KMO: variants seen among roughly 807,000 people sequenced by gnomAD.
The protein encoded by KMO is kynurenine 3-monooxygenase.
A neutral mutation model predicts 57.8 loss-of-function variants in KMO; 24 were observed. The observed-to-expected ratio is 0.42, with a 90% CI of 0.30 to 0.58. The LOEUF (loss-of-function observed/expected upper bound fraction) is 0.58, where lower values mean the gene tolerates loss of function less well. Ranked by LOEUF, KMO falls within the 20% of genes least tolerant of loss-of-function variation. The probability of loss-of-function intolerance (pLI) is 0.22; values close to 1 mark genes in which losing one functional copy is unlikely to be tolerated. For missense variants in KMO, 483 were observed against 588.2 expected (o/e 0.82, Z 1.85); for synonymous variants, 210 against 193.6 (o/e 1.08, Z -0.70).
At chr1:241,535,983 C>G (rs1660738068) in intron 1 of KMO, among the ~76,000 whole-genome samples, 2 of 152,200 alleles carry the variant, frequency 1.3e-5, no homozygotes, top group Admixed American at 1.3e-4. Context: ...TCTTTGGCTC[C>G]TGCTACCTTT....
At chr1:241,576,834 A>G (rs1354961472) in intron 10 of KMO, among the ~76,000 whole-genome samples, 1 of 152,134 alleles carries the variant, frequency 6.6e-6, no homozygotes, top group Non-Finnish European at 1.5e-5. Flanking sequence ...ATTAGTTTCC[A>G]AACTTTTTAC....
At chr1:241,546,212 AG>A (rs1357632266) in intron 1 of KMO, among the ~76,000 whole-genome samples, 1 of 152,168 alleles carries the variant, frequency 6.6e-6, no homozygotes, top group Non-Finnish European at 1.5e-5. Context: ...GGGGTTTATC[AG>A]AACCTGCCCT....
chr1:241,534,023 T>C (rs1262072914), intron 1 of KMO, among the ~76,000 whole-genome samples: 3 of 152,012 alleles, frequency 2.0e-5, no homozygotes, highest in Non-Finnish European at 4.4e-5. Flanking sequence ...CAGAGAAGAG[T>C]AGCTGATGAG....
At chr1:241,537,418 T>C (rs1186211337) in intron 1 of KMO, among the ~76,000 whole-genome samples, 1 of 152,200 alleles carries the variant, frequency 6.6e-6, no homozygotes. Context: ...TTTGCAAATA[T>C]TAATGAGCTA....
At chr1:241,560,941 A>G (rs1485426204) in intron 6 of KMO, among the ~76,000 whole-genome samples, 189 bp downstream of exon 6, 1 of 152,228 alleles carries the variant, frequency 6.6e-6, no homozygotes, top group Non-Finnish European at 1.5e-5. Context: ...ACCAATGCCA[A>G]TAATTCTTAA....
chr1:241,558,516 C>G (rs1011799011), intron 5 of KMO, among the ~76,000 whole-genome samples: 2 of 152,160 alleles, frequency 1.3e-5, no homozygotes, highest in Non-Finnish European at 2.9e-5. Context: ...GCATTTCATG[C>G]GGGATTGTTT....
chr1:241,564,929 C>A, intron 7 of KMO, 58 bp from the exon 8 acceptor site: 1 of 1,062,116 alleles, frequency 9.4e-7, no homozygotes, highest in Non-Finnish European at 1.5e-6. Context: ...AAGCTGAGTC[C>A]GTTTTATAGG....
rs570939141 is a variant in KMO, at chr1:241,541,721, T to C, written c.55-7108T>C. ...TATGCAATTCTGGAAGATGTAATAT[T>C]TACTAACAAAGTATGAAGACACTGA... On this transcript the variant is annotated intron_variant, in intron 1 of 14. Coordinates refer to ENST00000366559, the MANE Select transcript of KMO (RefSeq NM_003679.5). Among the ~76,000 whole-genome samples, 486 of 152,278 alleles carry C rather than the reference T, an allele frequency of 3.2e-3. 7 individuals are homozygous for C. Among genetic ancestry groups the C allele is most frequent in the African/African-American group, 0.011 (460 of 41,556 alleles).
intron 8 of KMO, among the ~76,000 whole-genome samples, chr1:241,565,367 A>G (rs1388507635): frequency 1.3e-5 from 2 of 152,130 alleles, no homozygotes. Flanking sequence ...GATTTAGGTT[A>G]TCTATCAGGA....
At chr1:241,544,580 T>C (rs1308086634) in intron 1 of KMO, among the ~76,000 whole-genome samples, 3 of 152,178 alleles carry the variant, frequency 2.0e-5, no homozygotes, top group Non-Finnish European at 4.4e-5. Context: ...GAAGAGCATG[T>C]AGGATAAAGG....
chr1:241,536,140 G>A (rs1304823353), intron 1 of KMO, among the ~76,000 whole-genome samples: 2 of 151,980 alleles, frequency 1.3e-5, no homozygotes, highest in Non-Finnish European at 2.9e-5. Context: ...ATTATGTCAT[G>A]AGGAATGTAG....
At chr1:241,538,897 A>C (rs1273565438) in intron 1 of KMO, among the ~76,000 whole-genome samples, 1 of 151,770 alleles carries the variant, frequency 6.6e-6, no homozygotes, top group African/African-American at 2.4e-5. Flanking sequence ...ATTCCTTCTC[A>C]TTTGGCGCAT....
chr1:241,590,259 A>G lies in KMO; in HGVS notation c.1256A>G (p.Lys419Arg), dbSNP rs1308674234. The G allele has an allele frequency of 6.2e-7, 1 of 1,611,842 alleles. No individual in the cohort carries two copies. The highest frequency in any genetic ancestry group is 2.2e-5 in the East Asian group (1 of 44,840). Residue 419 changes from lysine (K) to arginine (R), a missense_variant, in exon 14 of 15, where the codon AAA becomes AGA. Physicochemically the swap from Lys to Arg is conservative, Grantham distance 26. Transcript: ENST00000366559. ...GCTGTGCAGCGTTGGCATTGGCAAA[A>G]AAAGGTTGGAACAGTTACATTTTAT... The part of the protein sequence containing the change: ...HEAVQRWHWQ[K>R]KVINKGLFFL...
Position 241,594,319 on chromosome 1 carries a change from A to C in KMO, c.*2166A>C. On this transcript the variant is annotated 3_prime_UTR_variant, in exon 15 of 15. Coordinates refer to ENST00000366559, the MANE Select transcript of KMO (RefSeq NM_003679.5). ...CAATTCGGATTTCCTGCTGGACCAC[A>C]AGGTTCTGTTGATATTACATAGAAC... 8.1e-7 allele frequency: 1 copy of C among 1,237,314 alleles called. No homozygotes were observed. The highest frequency in any genetic ancestry group is 1.5e-5 in the African/African-American group (1 of 66,594). The allele number at this position is 1,237,314 out of a possible 1,614,324, so 76.6% of individuals were successfully genotyped here. A position where few individuals can be genotyped will look rare whatever the true frequency, so the allele number is the denominator to read the frequency against.
rs1663423655 is a variant in KMO at position 241,594,217 on chromosome 1, T to C, written c.*2064T>C. ...CCATCGTGTGCCACAAGTGGTTTTT[T>C]CATTATGTAAAGCACCCGTTGAATT... On this transcript the variant is annotated 3_prime_UTR_variant, in exon 15 of 15. Coordinates refer to ENST00000366559, the MANE Select transcript of KMO (RefSeq NM_003679.5). 2 of 464,952 alleles carry C rather than the reference T, an allele frequency of 4.3e-6. No individual in the cohort carries two copies. Among genetic ancestry groups the C allele is most frequent in the African/African-American group, 2.0e-5 (1 of 50,370 alleles). 28.8% of individuals were successfully genotyped at this position (464,952 alleles called of 1,614,324 possible).
In KMO at chr1:241,590,210, T is replaced by A; in HGVS notation, c.1207T>A (p.Phe403Ile). 1 of 1,613,112 alleles carries A rather than the reference T, an allele frequency of 6.2e-7. No homozygotes were observed. Among genetic ancestry groups the A allele is most frequent in the South Asian group, 1.1e-5 (1 of 90,884 alleles). The change falls in exon 14 of 15, where the codon TTT (phenylalanine) becomes ATT (isoleucine). Residue 403 changes from phenylalanine (F) to isoleucine (I), a missense_variant. By Grantham distance (21) the Phe-to-Ile change is conservative. Transcript: ENST00000366559. ...TFIPLYTMVTFSRIRYHEAVQ... is the reference protein window; with the variant it reads ...TFIPLYTMVTISRIRYHEAVQ... The stretch of plus-strand genomic sequence containing the variant: ...TTTTTAAACTTCCCTGCAGGTCACT[T>A]TTTCCAGAATAAGATACCATGAGGC...
intron 4 of KMO, among the ~76,000 whole-genome samples, chr1:241,554,485 G>T (rs2147953776): frequency 6.6e-6 from 1 of 151,988 alleles, no homozygotes; most frequent in Non-Finnish European, 1.5e-5. Context: ...TGTTGGCCAG[G>T]CTGGTCTTAA....
chr1:241,582,948 G>T (rs1418453593), intron 10 of KMO, among the ~76,000 whole-genome samples: 2 of 152,168 alleles, frequency 1.3e-5, no homozygotes, highest in Non-Finnish European at 2.9e-5. Flanking sequence ...CAAGGGGAAT[G>T]AGTGTTGCGG....
chr1:241,581,329 A>T (rs77672058), intron 10 of KMO, among the ~76,000 whole-genome samples: 2,317 of 152,180 alleles, frequency 0.015, 22 homozygotes, highest in Non-Finnish European at 0.025. Flanking sequence ...TAGTTTCAGT[A>T]TTACTAATGA....
Sources: gnomAD v4.1 joint callset for allele counts (sites outside exome capture counted in the v4.1 genomes callset) on GRCh38, gnomAD v4.1.1 for gene constraint, MANE v1.5 for transcripts, NCBI Gene and HGNC (gene_info 2026-07-23, HGNC 2026-07-21) for gene names.